The following N4BP2L2 variants were observed in gnomAD, a reference collection of about 807,000 sequenced individuals.
N4BP2L2 encodes NEDD4-binding protein 2-like 2.
N4BP2L2 carries 50 observed loss-of-function variants against 56.2 expected under a neutral mutation model. The observed-to-expected ratio is 0.89, with a 90% CI of 0.71 to 1.13. The LOEUF is 1.13. Ranked by LOEUF, N4BP2L2 falls within the 50% of genes most tolerant of loss-of-function variation. N4BP2L2 has a pLI of 0.00. For missense variants in N4BP2L2, 689 were observed against 693.8 expected (o/e 0.99, Z 0.08); for synonymous variants, 203 against 223.6 (o/e 0.91, Z 0.82).
chr13:32,469,121 A>G (rs2081822981), intron 6 of N4BP2L2, among the ~76,000 whole-genome samples: 1 of 152,198 alleles, frequency 6.6e-6, no homozygotes, highest in Non-Finnish European at 1.5e-5. Flanking sequence ...TTCGTGACCC[A>G]TTCACCCCTT....
chr13:32,440,411 T>G (rs2138239091), intron 7 of N4BP2L2, among the ~76,000 whole-genome samples: 1 of 152,258 alleles, frequency 6.6e-6, no homozygotes, highest in African/African-American at 2.4e-5. Context: ...GAGTTACAGA[T>G]AAGGAAAAGC....
intron 2 of N4BP2L2, among the ~76,000 whole-genome samples, chr13:32,531,901 T>C (rs1381128473): frequency 6.6e-6 from 1 of 152,218 alleles, no homozygotes; most frequent in African/African-American, 2.4e-5. Flanking sequence ...CCTTGCCTTT[T>C]CCAGCTTCTA....
intron 6 of N4BP2L2, among the ~76,000 whole-genome samples, chr13:32,472,308 G>C (rs1207684578): frequency 6.6e-6 from 1 of 152,198 alleles, no homozygotes; most frequent in Admixed American, 6.5e-5. Flanking sequence ...CAGTCACTGA[G>C]AGAGAGAAAC....
intron 9 of N4BP2L2, among the ~76,000 whole-genome samples, chr13:32,434,140 G>A (rs989279095): frequency 3.3e-5 from 5 of 149,360 alleles, no homozygotes; most frequent in African/African-American, 9.8e-5. Flanking sequence ...GCAGTGGTGC[G>A]ATCTCAGCTC....
At chr13:32,481,222 A>C (rs1051778660) in intron 6 of N4BP2L2, among the ~76,000 whole-genome samples, 13 of 151,382 alleles carry the variant, frequency 8.6e-5, no homozygotes, top group African/African-American at 3.2e-4. Flanking sequence ...CACATCTATT[A>C]ATCAAAATTT....
At chr13:32,488,102 G>A (rs1371641819) in intron 6 of N4BP2L2, among the ~76,000 whole-genome samples, 1 of 152,054 alleles carries the variant, frequency 6.6e-6, no homozygotes, top group Non-Finnish European at 1.5e-5. Context: ...ATAAACACAT[G>A]GAACTAGGCT....
intron 1 of N4BP2L2, among the ~76,000 whole-genome samples, 199 bp from the exon 2 acceptor site, chr13:32,537,226 C>T (rs1301685503): frequency 6.6e-6 from 1 of 151,684 alleles, no homozygotes; most frequent in African/African-American, 2.4e-5. Flanking sequence ...TGGGAGGGAT[C>T]TCGTTGAATA....
At chr13:32,534,620 A>C (rs2056025250) in intron 2 of N4BP2L2, among the ~76,000 whole-genome samples, 1 of 152,238 alleles carries the variant, frequency 6.6e-6, no homozygotes, top group African/African-American at 2.4e-5. Context: ...GGAATGAATT[A>C]ATTCATTCAC....
intron 6 of N4BP2L2, chr13:32,477,880 A>C: frequency 1.6e-6 from 2 of 1,289,308 alleles, no homozygotes; most frequent in Non-Finnish European, 2.0e-6. Context: ...GAATTCCGTC[A>C]AATCACCTCT....
chr13:32,525,680 C>A (rs1186697453), intron 3 of N4BP2L2: 3 of 152,130 alleles, frequency 2.0e-5, no homozygotes, highest in Non-Finnish European at 4.4e-5. Flanking sequence ...AAAACACACA[C>A]AAACATCCTC....
rs189679865 is a variant in N4BP2L2, at chr13:32,452,814, C to T, written c.366-8688G>A. On this transcript the variant is annotated intron_variant, in intron 6 of 9. Coordinates refer to the N4BP2L2 transcript ENST00000357505. Reference sequence around the variant, plus strand: ...TTTCTAATATGAGAAATATTAAAAACGTTTCTTTAAATCAGAAACAAGACA... The same window carrying T: ...TTTCTAATATGAGAAATATTAAAAATGTTTCTTTAAATCAGAAACAAGACA... Among the ~76,000 whole-genome samples the T allele has an allele frequency of 8.1e-4, 123 of 152,246 alleles. 2 individuals carry two copies. Among genetic ancestry groups the T allele is most frequent in the Non-Finnish European group, 4.1e-4 (28 of 68,006 alleles).
intron 6 of N4BP2L2, among the ~76,000 whole-genome samples, chr13:32,460,602 A>C (rs2079860038): frequency 6.6e-6 from 1 of 152,174 alleles, no homozygotes; most frequent in Non-Finnish European, 1.5e-5. Context: ...CAAAATGGAA[A>C]GGCATACCAT....
chr13:32,492,727 C>T (rs1022595266), intron 6 of N4BP2L2, among the ~76,000 whole-genome samples: 2 of 151,966 alleles, frequency 1.3e-5, no homozygotes, highest in African/African-American at 4.8e-5. Flanking sequence ...CATTTCTAAA[C>T]CTTTTCAAAC....
intron 6 of N4BP2L2, among the ~76,000 whole-genome samples, chr13:32,498,948 C>G (rs1298707717): frequency 1.4e-5 from 2 of 140,976 alleles, no homozygotes; most frequent in Admixed American, 1.5e-4. Flanking sequence ...GAGATTGTGC[C>G]ATTGCACTCC....
At chr13:32,478,335 A>AAT in intron 6 of N4BP2L2, 1 of 258,026 alleles carries the variant, frequency 3.9e-6, no homozygotes, top group Non-Finnish European at 7.8e-6. Flanking sequence ...CCCACAAAAA[A>AAT]CTATATAACG....
chr13:32,469,431 GCA>G (rs969168648), intron 6 of N4BP2L2, among the ~76,000 whole-genome samples: 1 of 152,156 alleles, frequency 6.6e-6, no homozygotes, highest in Non-Finnish European at 1.5e-5. Context: ...TTATGACTGA[GCA>G]CAGTCATGAG....
chr13:32,538,584 C>T lies in N4BP2L2; in HGVS notation c.-1+34G>A, dbSNP rs997279788. On this transcript the variant is annotated intron_variant, in intron 1 of 5. Coordinates refer to ENST00000267068, the Ensembl canonical transcript of N4BP2L2. Reference sequence around the variant, plus strand: ...GTGAAAGCGAAAAACACCACCACCGCCCCACCCTCACCTAAAACGGGGTGT... The same window carrying T: ...GTGAAAGCGAAAAACACCACCACCGTCCCACCCTCACCTAAAACGGGGTGT... 2.2e-5 allele frequency: 21 copies of T among 974,804 alleles called. No homozygotes were observed. In the African/African-American group the frequency reaches 2.8e-4, roughly 13 times the overall value. 60.4% of individuals were successfully genotyped at this position (974,804 alleles called of 1,614,324 possible). A position where few individuals can be genotyped will look rare whatever the true frequency, so the allele number is the denominator to read the frequency against.
intron 6 of N4BP2L2, among the ~76,000 whole-genome samples, chr13:32,481,118 CAAAAAA>C (rs60854435): frequency 5.3e-4 from 11 of 20,708 alleles, no homozygotes; most frequent in African/African-American, 2.0e-3. Context: ...GACTCTGTCT[CAAAAAA>C]AAAAAAAAAA....
At chr13:32,465,302 G>T (rs1272541473) in intron 6 of N4BP2L2, among the ~76,000 whole-genome samples, 5 of 152,014 alleles carry the variant, frequency 3.3e-5, no homozygotes, top group Non-Finnish European at 7.4e-5. Context: ...GTTGGTGGGG[G>T]TATAAAAAAG....
Sources: allele counts gnomAD v4.1 joint callset (sites outside exome capture counted in the v4.1 genomes callset), GRCh38; gene constraint gnomAD v4.1.1; transcripts MANE v1.5; gene names NCBI Gene and HGNC (gene_info 2026-07-23, HGNC 2026-07-21).